The following SYBU variants were observed in gnomAD, a reference collection of about 807,000 sequenced individuals.
The protein encoded by SYBU is GOLSYN A protein.
SYBU carries 21 observed loss-of-function variants against 35.9 expected under a neutral mutation model. That is an observed-to-expected ratio of 0.58 (90% confidence interval 0.41 to 0.84). SYBU has a LOEUF of 0.84. Ranked by LOEUF, SYBU falls within the 40% of genes least tolerant of loss-of-function variation. The pLI, the probability that SYBU is intolerant of heterozygous loss-of-function variation, is 0.00. For synonymous variants in SYBU, 319 were observed against 324.3 expected, an observed-to-expected ratio of 0.98 and a Z score of 0.18; for missense variants, 768 against 848.2, an observed-to-expected ratio of 0.91 and a Z score of 1.17.
At chr8:109,664,822 G>C (rs28404625) in intron 1 of SYBU, among the ~76,000 whole-genome samples, 18,739 of 152,054 alleles carry the variant, frequency 0.12, 3,236 homozygotes, top group African/African-American at 0.39. Context: ...GTAGAAGGTT[G>C]CTGGAGGGCA....
chr8:109,664,140 G>A (rs1586974029), intron 1 of SYBU, among the ~76,000 whole-genome samples: 1 of 152,210 alleles, frequency 6.6e-6, no homozygotes, highest in East Asian at 1.9e-4. Flanking sequence ...TTATATAATG[G>A]CTCCAATTGA....
chr8:109,671,007 G>C (rs1298391057), intron 1 of SYBU, among the ~76,000 whole-genome samples: 1 of 152,090 alleles, frequency 6.6e-6, no homozygotes, highest in Non-Finnish European at 1.5e-5. Flanking sequence ...CTTTTTAAAA[G>C]ACAGAGTCAA....
chr8:109,685,511 A>G (rs1817500281), upstream of SYBU, among the ~76,000 whole-genome samples: 1 of 152,248 alleles, frequency 6.6e-6, no homozygotes, highest in South Asian at 2.1e-4. Context: ...GCTATAAAAA[A>G]TCAAACAGGT....
intron 1 of SYBU, among the ~76,000 whole-genome samples, chr8:109,676,829 C>G (rs1355992842): frequency 6.6e-6 from 1 of 152,030 alleles, no homozygotes; most frequent in African/African-American, 2.4e-5. Context: ...GACATGGCAC[C>G]CAAGAGGGAA....
chr8:109,643,260 A>T, intron 1 of SYBU: 2 of 906,854 alleles, frequency 2.2e-6, no homozygotes, highest in Non-Finnish European at 2.7e-6. Context: ...CTTCTATCAC[A>T]TTCAAGCTTC....
rs1822180396 is a variant in SYBU at position 109,575,623 on chromosome 8, A to G, written c.1275T>C (p.Ala425=). Residue 425 remains alanine (A), a synonymous_variant, in exon 7 of 7, where the codon GCT becomes GCC. Coordinates refer to ENST00000276646, the MANE Select transcript of SYBU (RefSeq NM_001099754.2). ...TATCTCCTACCAGTAGCTCCCTGTC[A>G]GCCCCTTCCCCCGTGACCTGCTCTT... ...SLEEQVTGEG[A]DRELLVGDSI... 1.2e-6 allele frequency: 2 copies of G among 1,614,088 alleles called. No homozygotes were observed. The highest frequency in any genetic ancestry group is 8.5e-7 in the Non-Finnish European group (1 of 1,180,008).
At chr8:109,672,514 T>C (rs113019171) in intron 1 of SYBU, among the ~76,000 whole-genome samples, 1,588 of 152,310 alleles carry the variant, frequency 0.01, 15 homozygotes, top group Middle Eastern at 0.041. Context: ...TACTATGCTT[T>C]TCCCATGGTC....
intron 3 of SYBU, among the ~76,000 whole-genome samples, chr8:109,592,657 G>A (rs969115759): frequency 3.3e-5 from 5 of 152,198 alleles, no homozygotes; most frequent in African/African-American, 1.2e-4. Context: ...GTGAATCAGA[G>A]AAATGATAAG....
intron 5 of SYBU, among the ~76,000 whole-genome samples, chr8:109,578,732 C>G (rs1039393380): frequency 6.6e-6 from 1 of 152,150 alleles, no homozygotes; most frequent in African/African-American, 2.4e-5. Context: ...GGGTGAGGGT[C>G]AGGGGATGGG....
intron 3 of SYBU, among the ~76,000 whole-genome samples, chr8:109,613,960 T>C (rs2703379): frequency 0.31 from 47,761 of 152,160 alleles, 8,593 homozygotes; most frequent in African/African-American, 0.48. Flanking sequence ...GGGTAGTGTC[T>C]GATGACAAGG....
chr8:109,660,152 A>G (rs1178250409), intron 1 of SYBU, among the ~76,000 whole-genome samples: 2 of 152,174 alleles, frequency 1.3e-5, no homozygotes, highest in Non-Finnish European at 2.9e-5. Flanking sequence ...AACTAGAACC[A>G]TAGTTTTTGT....
chr8:109,594,735 C>T (rs2022933), intron 3 of SYBU, among the ~76,000 whole-genome samples: 374 of 152,226 alleles, frequency 2.5e-3, no homozygotes, highest in African/African-American at 8.8e-3. Flanking sequence ...TTCTCAGTAG[C>T]ACTGACCTCC....
chr8:109,661,152 G>A (rs73321062), intron 1 of SYBU, among the ~76,000 whole-genome samples: 1,747 of 152,312 alleles, frequency 0.011, 20 homozygotes, highest in African/African-American at 0.04. Context: ...TGTAAATACA[G>A]TAATCTCACA....
intron 3 of SYBU, among the ~76,000 whole-genome samples, chr8:109,601,153 C>T (rs747554579): frequency 6.6e-6 from 1 of 152,188 alleles, no homozygotes; most frequent in African/African-American, 2.4e-5. Context: ...CCACTGTGGA[C>T]TCAGAGCCTA....
At position 109,615,166 on chromosome 8, in the gene SYBU, TAA is replaced by T. The variant is rs1313994195; in HGVS notation, c.427+3674_427+3675del. ...TAAATGGGCTTAGGTTACTTAATAT[TAA>T]AGAGTCCCTGAGCCTCCGTATAAGA... On this transcript the variant is annotated intron_variant, in intron 3 of 6. Transcript: ENST00000276646. Among the ~76,000 whole-genome samples, 18 of 152,304 alleles carry T rather than the reference TAA, an allele frequency of 1.2e-4. No individual in the cohort carries two copies. In the East Asian group the frequency reaches 2.9e-3, roughly 24 times the overall value.
chr8:109,640,042 G>A (rs1051954159), intron 2 of SYBU, among the ~76,000 whole-genome samples: 2 of 152,206 alleles, frequency 1.3e-5, no homozygotes, highest in African/African-American at 4.8e-5. Context: ...AAGATGAAGA[G>A]AGATGAGGGA....
At chr8:109,582,719 T>C (rs990648447) in intron 4 of SYBU, among the ~76,000 whole-genome samples, 9 of 152,054 alleles carry the variant, frequency 5.9e-5, no homozygotes, top group African/African-American at 2.2e-4. Context: ...CCCCTGCAAA[T>C]TGATATGTTG....
At chr8:109,672,498 C>A (rs1160097492) in intron 1 of SYBU, among the ~76,000 whole-genome samples, 1 of 152,198 alleles carries the variant, frequency 6.6e-6, no homozygotes, top group Non-Finnish European at 1.5e-5. Flanking sequence ...TGCATTGAGG[C>A]CCAGATACTA....
At chr8:109,675,076 G>T (rs13248506) in intron 1 of SYBU, among the ~76,000 whole-genome samples, 12,092 of 152,182 alleles carry the variant, frequency 0.079, 611 homozygotes, top group East Asian at 0.12. Context: ...AAATAAATAA[G>T]TTATTTGAAA....
Sources: allele counts gnomAD v4.1 joint callset (sites outside exome capture counted in the v4.1 genomes callset), GRCh38; gene constraint gnomAD v4.1.1; transcripts MANE v1.5; gene names NCBI Gene and HGNC (gene_info 2026-07-23, HGNC 2026-07-21).